CREB5: variants seen among roughly 807,000 people sequenced by gnomAD.
The protein encoded by CREB5 is cAMP responsive element binding protein 5, also known as cyclic AMP-responsive element-binding protein 5.
Under a neutral mutation model 57.1 loss-of-function variants are expected in CREB5, and 19 were observed. That is an observed-to-expected ratio of 0.33 (90% confidence interval 0.23 to 0.49). The LOEUF (loss-of-function observed/expected upper bound fraction) is 0.49. Ranked by LOEUF, CREB5 falls within the 20% of genes least tolerant of loss-of-function variation. The probability of loss-of-function intolerance (pLI) is 0.99; values close to 1 mark genes in which losing one functional copy is unlikely to be tolerated. For missense variants in CREB5, 579 were observed against 671.6 expected, an observed-to-expected ratio of 0.86 and a Z score of 1.52; for synonymous variants, 238 against 238.3, an observed-to-expected ratio of 1.00 and a Z score of 0.01.
chr7:28,343,795 C>T (rs1027793968), intron 1 of CREB5, among the ~76,000 whole-genome samples: 7 of 152,178 alleles, frequency 4.6e-5, no homozygotes, highest in Non-Finnish European at 8.8e-5. Flanking sequence ...TCCATAATGA[C>T]TGTACTGATT....
chr7:28,525,207 T>C (rs1354015327), intron 4 of CREB5, among the ~76,000 whole-genome samples: 8 of 152,224 alleles, frequency 5.3e-5, no homozygotes, highest in South Asian at 2.1e-4. Context: ...ATACCACATT[T>C]TCTTTATGCA....
intron 1 of CREB5, among the ~76,000 whole-genome samples, chr7:28,308,577 C>CG (rs1313358435): frequency 1.3e-5 from 2 of 152,176 alleles, no homozygotes; most frequent in African/African-American, 4.8e-5. Flanking sequence ...TGCCTGGTTC[C>CG]GGTATTGTGT....
intron 1 of CREB5, among the ~76,000 whole-genome samples, chr7:28,481,875 AAG>A (rs1009677171): frequency 3.3e-5 from 5 of 152,148 alleles, no homozygotes; most frequent in Admixed American, 2.6e-4. Context: ...TGCCCACAGA[AAG>A]AGAGAGAGAC....
rs575535358 is a variant in CREB5 at position 28,657,313 on chromosome 7, C to A, written c.465-61440C>A. 2.0e-5 allele frequency among the ~76,000 whole-genome samples: 3 copies of A among 152,246 alleles called. No homozygotes were observed. The South Asian group carries it at 6.2e-4, about 32-fold the overall frequency. The stretch of plus-strand genomic sequence containing the variant: ...AGACAGAAGGAATTCAGGGACCAAG[C>A]CAGAGCCTGCTTTGATAATTCTCGC... On this transcript the variant is annotated intron_variant, in intron 5 of 10. Transcript: ENST00000357727.
At chr7:28,568,728 CCA>C (rs1166372926) in intron 4 of CREB5, among the ~76,000 whole-genome samples, 2 of 152,104 alleles carry the variant, frequency 1.3e-5, no homozygotes, top group African/African-American at 4.8e-5. Context: ...AGCCAGGTGC[CCA>C]GTTTCCATCT....
chr7:28,397,698 A>G (rs547372706), intron 1 of CREB5, among the ~76,000 whole-genome samples: 1 of 152,326 alleles, frequency 6.6e-6, no homozygotes, highest in South Asian at 2.1e-4. Flanking sequence ...AGAGAGTTTA[A>G]AAACAGGATC....
At chr7:28,730,083 C>T (rs1198122677) in intron 7 of CREB5, among the ~76,000 whole-genome samples, 1 of 152,204 alleles carries the variant, frequency 6.6e-6, no homozygotes, top group Non-Finnish European at 1.5e-5. Context: ...TAGTTATTGC[C>T]AGCCTGAATC....
intron 1 of CREB5, among the ~76,000 whole-genome samples, chr7:28,446,748 C>A (rs371286899): frequency 6.6e-6 from 1 of 152,114 alleles, no homozygotes; most frequent in African/African-American, 2.4e-5. Flanking sequence ...GCCGAGATCA[C>A]GCCACTGCAC....
intron 7 of CREB5, among the ~76,000 whole-genome samples, chr7:28,771,058 C>T (rs1258013772): frequency 1.3e-5 from 2 of 152,124 alleles, no homozygotes; most frequent in African/African-American, 2.4e-5. Flanking sequence ...TCAATTATAC[C>T]TCAGTAAAGC....
At chr7:28,460,820 A>G (rs559335793) in intron 1 of CREB5, among the ~76,000 whole-genome samples, 1 of 152,202 alleles carries the variant, frequency 6.6e-6, no homozygotes, top group East Asian at 1.9e-4. Flanking sequence ...GAGAGGAGAA[A>G]GAAGGAAGTG....
intron 4 of CREB5, among the ~76,000 whole-genome samples, chr7:28,509,704 AT>A (rs1336822778): frequency 3.3e-5 from 5 of 152,242 alleles, no homozygotes; most frequent in African/African-American, 1.2e-4. Flanking sequence ...AAAAATTAAA[AT>A]AATTAAGCAA....
intron 7 of CREB5, chr7:28,749,461 G>A (rs1326483242): frequency 6.6e-6 from 1 of 152,200 alleles, no homozygotes; most frequent in African/African-American, 2.4e-5. Flanking sequence ...AGCGGTTGGA[G>A]CGTCTACTTG....
intron 5 of CREB5, among the ~76,000 whole-genome samples, chr7:28,694,792 C>A (rs181258341): frequency 6.6e-6 from 1 of 152,286 alleles, no homozygotes; most frequent in Admixed American, 6.5e-5. Flanking sequence ...AGCAATCCTC[C>A]CACCTCAGCC....
intron 5 of CREB5, among the ~76,000 whole-genome samples, chr7:28,631,744 A>G (rs1337790036): frequency 6.6e-6 from 1 of 152,184 alleles, no homozygotes; most frequent in African/African-American, 2.4e-5. Flanking sequence ...AGACAAAAAG[A>G]AATAAGCAAA....
At chr7:28,308,904 G>A (rs1583660074) in intron 1 of CREB5, among the ~76,000 whole-genome samples, 1 of 152,214 alleles carries the variant, frequency 6.6e-6, no homozygotes, top group African/African-American at 2.4e-5. Context: ...ATTTCTGTGA[G>A]GGTGTTTTTG....
chr7:28,360,167 C>A (rs1205024592), intron 1 of CREB5, among the ~76,000 whole-genome samples: 4 of 152,134 alleles, frequency 2.6e-5, no homozygotes, highest in South Asian at 2.1e-4. Context: ...TATGGAGATT[C>A]CTCAAAAAGC....
intron 7 of CREB5, among the ~76,000 whole-genome samples, chr7:28,795,332 C>T (rs1807966569): frequency 1.3e-5 from 2 of 152,146 alleles, no homozygotes; most frequent in South Asian, 2.1e-4. Flanking sequence ...AAGATCTTTA[C>T]GGATACTGAT....
intron 5 of CREB5, chr7:28,685,850 G>A (rs1439877165): frequency 2.8e-5 from 9 of 323,266 alleles, no homozygotes; most frequent in Non-Finnish European, 5.1e-5. Context: ...AAGGCTCTCC[G>A]AGCCTGGAAC....
At chr7:28,664,418 A>AT (rs897122363) in intron 5 of CREB5, among the ~76,000 whole-genome samples, 3 of 152,108 alleles carry the variant, frequency 2.0e-5, no homozygotes, top group African/African-American at 7.2e-5. Context: ...TGAAAAATAC[A>AT]TTTTTTTCCT....
Sources: allele counts gnomAD v4.1 joint callset (sites outside exome capture counted in the v4.1 genomes callset), GRCh38; gene constraint gnomAD v4.1.1; transcripts MANE v1.5; gene names NCBI Gene and HGNC (gene_info 2026-07-23, HGNC 2026-07-21).